ECPAS: variants seen among roughly 807,000 people sequenced by gnomAD.
ECPAS encodes proteasome adapter and scaffold protein ECM29.
A neutral mutation model predicts 255.1 loss-of-function variants in ECPAS; 70 were observed. That is an observed-to-expected ratio of 0.27 (90% CI 0.23 to 0.33). The LOEUF (loss-of-function observed/expected upper bound fraction) is 0.33. Ranked by LOEUF, ECPAS falls within the 10% of genes least tolerant of loss-of-function variation. The pLI is 1.00. For synonymous variants in ECPAS, 784 were observed against 775.0 expected, an observed-to-expected ratio of 1.01 and a Z score of -0.19; for missense variants, 1,817 against 2,206.4, an observed-to-expected ratio of 0.82 and a Z score of 3.54.
At chr9:111,451,698 G>A in intron 2 of ECPAS, 143 bp from the exon 3 acceptor site, 1 of 710,736 alleles carries the variant, frequency 1.4e-6, no homozygotes, top group South Asian at 2.5e-5. Context: ...CAGATATTTT[G>A]ACACAGCAAC....
At position 111,371,894 on chromosome 9, in the gene ECPAS, G is replaced by GA. The variant is rs754371458; in HGVS notation, c.4529-66dup. The GA allele has an allele frequency of 7.3e-5, 100 of 1,366,004 alleles. No individual in the cohort carries two copies. In the African/African-American group the frequency reaches 1.3e-3, roughly 18 times the overall value. 84.6% of individuals were successfully genotyped at this position (1,366,004 alleles called of 1,614,324 possible). ...AAAATTAACTGATTTTTCTAAACCT[G>GA]AAAAAAAGTCAGTGACCAACAGTCT... On this transcript the variant is annotated intron_variant, in intron 42 of 49. Transcript: ENST00000684092.
intron 2 of ECPAS, among the ~76,000 whole-genome samples, chr9:111,464,870 G>C (rs1428663164): frequency 6.6e-6 from 1 of 152,156 alleles, no homozygotes; most frequent in Non-Finnish European, 1.5e-5. Flanking sequence ...AATTGCATCT[G>C]CAATGTTTAT....
intron 31 of ECPAS, among the ~76,000 whole-genome samples, chr9:111,388,289 T>C (rs979621569): frequency 2.7e-5 from 4 of 150,676 alleles, no homozygotes; most frequent in Admixed American, 6.6e-5. Flanking sequence ...CTTATAGAGA[T>C]GACACTCACG....
intron 3 of ECPAS, among the ~76,000 whole-genome samples, chr9:111,448,636 G>A (rs983807566): frequency 2.6e-5 from 4 of 152,184 alleles, no homozygotes; most frequent in South Asian, 2.1e-4. Flanking sequence ...TGGCCTTAGC[G>A]CATGCTGAGC....
At chr9:111,407,290 T>A (rs2098185550) in intron 24 of ECPAS, among the ~76,000 whole-genome samples, 1 of 144,598 alleles carries the variant, frequency 6.9e-6, no homozygotes, top group African/African-American at 2.7e-5. Context: ...TAATCCCAAC[T>A]ACTTAGGAGG....
At chr9:111,411,225 G>T in intron 21 of ECPAS, 83 bp from the exon 22 acceptor site, 1 of 1,356,280 alleles carries the variant, frequency 7.4e-7, no homozygotes, top group Non-Finnish European at 1.0e-6. Flanking sequence ...GTGTCGATTA[G>T]GATCATCTCT....
rs1232825363 is a variant in ECPAS, at chr9:111,393,623, T to C, written c.2977+57A>G. ...CTTTCATGTTCATTAATCCAGGTTTTTGAACATTTAAAATACAAGTTCAAT... is the reference window on the plus strand; with the variant it reads ...CTTTCATGTTCATTAATCCAGGTTTCTGAACATTTAAAATACAAGTTCAAT... On this transcript the variant is annotated intron_variant, in intron 27 of 49. Transcript: ENST00000684092. 9 of 1,153,168 alleles carry C rather than the reference T, an allele frequency of 7.8e-6. No individual in the cohort carries two copies. In the South Asian group the frequency reaches 7.9e-5, roughly 10 times the overall value. The allele number at this position is 1,153,168 out of a possible 1,614,324, so 71.4% of individuals were successfully genotyped here. A position where few individuals can be genotyped will look rare whatever the true frequency, so the allele number is the denominator to read the frequency against.
intron 11 of ECPAS, 93 bp from the exon 12 acceptor site, chr9:111,425,589 C>A: frequency 2.8e-6 from 3 of 1,061,352 alleles, no homozygotes; most frequent in Non-Finnish European, 2.7e-6. Context: ...GAGACATAAC[C>A]GAAATAAGTT....
At chr9:111,423,889 TTA>T (rs2098217826) in intron 12 of ECPAS, among the ~76,000 whole-genome samples, 1 of 152,190 alleles carries the variant, frequency 6.6e-6, no homozygotes, top group Admixed American at 6.5e-5. Context: ...CAGTTAAAGT[TTA>T]TGTGTTTATC....
chr9:111,375,558 C>A (rs538506966), intron 37 of ECPAS, among the ~76,000 whole-genome samples: 9 of 152,228 alleles, frequency 5.9e-5, no homozygotes, highest in African/African-American at 2.2e-4. Flanking sequence ...CTACAGTGGG[C>A]CTACCCTACC....
At chr9:111,410,411 T>C (rs2098192185) in intron 22 of ECPAS, among the ~76,000 whole-genome samples, 198 bp from the exon 23 acceptor site, 1 of 152,174 alleles carries the variant, frequency 6.6e-6, no homozygotes, top group East Asian at 1.9e-4. Context: ...ATTTTTTTAA[T>C]GTATAAATTT....
intron 21 of ECPAS, 122 bp from the exon 22 acceptor site, chr9:111,411,264 G>C: frequency 9.8e-7 from 1 of 1,021,696 alleles, no homozygotes; most frequent in Non-Finnish European, 1.4e-6. Flanking sequence ...AAAGAATAAA[G>C]TGAACACTCG....
intron 23 of ECPAS, 149 bp from the exon 24 acceptor site, chr9:111,408,821 G>GT (rs1286059819): frequency 2.1e-6 from 1 of 478,978 alleles, no homozygotes; most frequent in Non-Finnish European, 3.7e-6. Flanking sequence ...TTTTACAGTC[G>GT]TATGTCTGTA....
chr9:111,452,411 G>C (rs562717667), intron 2 of ECPAS, among the ~76,000 whole-genome samples: 1 of 152,024 alleles, frequency 6.6e-6, no homozygotes, highest in Non-Finnish European at 1.5e-5. Flanking sequence ...ACCTTCTACT[G>C]TATCTACTAT....
At chr9:111,391,725 G>C (rs754225953) in intron 29 of ECPAS, 31 bp downstream of exon 29, 3 of 1,371,078 alleles carry the variant, frequency 2.2e-6, no homozygotes. Context: ...ATTTAAAGAT[G>C]TTTACCATTC....
At chr9:111,388,879 T>G (rs541024093) in intron 31 of ECPAS, among the ~76,000 whole-genome samples, 2 of 152,158 alleles carry the variant, frequency 1.3e-5, no homozygotes, top group Admixed American at 6.5e-5. Context: ...GGAAGGTTAT[T>G]TTTTAAGTCC....
chr9:111,366,705 A>C, intron 46 of ECPAS, 78 bp from the exon 47 acceptor site: 1 of 840,848 alleles, frequency 1.2e-6, no homozygotes, highest in Non-Finnish European at 2.0e-6. Context: ...AGGGACAGGC[A>C]GAGAGAGCAA....
At chr9:111,374,675 T>C (rs2098131300) in intron 38 of ECPAS, among the ~76,000 whole-genome samples, 1 of 152,218 alleles carries the variant, frequency 6.6e-6, no homozygotes, top group African/African-American at 2.4e-5. Flanking sequence ...AAATGTGAGT[T>C]ATTAATTTGT....
At chr9:111,458,758 T>C (rs890402345) in intron 2 of ECPAS, among the ~76,000 whole-genome samples, 1 of 152,170 alleles carries the variant, frequency 6.6e-6, no homozygotes, top group Non-Finnish European at 1.5e-5. Flanking sequence ...TGAGCTTCTA[T>C]GATCAGCAGT....
Sources: allele counts gnomAD v4.1 joint callset (sites outside exome capture counted in the v4.1 genomes callset), GRCh38; gene constraint gnomAD v4.1.1; transcripts MANE v1.5; gene names NCBI Gene and HGNC (gene_info 2026-07-23, HGNC 2026-07-21).